The following SEC11C variants were observed in gnomAD, a reference collection of about 807,000 sequenced individuals.
SEC11C encodes SEC11 homolog C, signal peptidase complex subunit.
A neutral mutation model predicts 21.9 loss-of-function variants in SEC11C; 10 were observed. That is an observed-to-expected ratio of 0.46 (90% CI 0.28 to 0.77). The LOEUF (loss-of-function observed/expected upper bound fraction) is 0.77. Among genes scored for constraint, SEC11C ranks in the 30% least tolerant of loss-of-function variants. The probability of loss-of-function intolerance (pLI) is 0.12; values close to 1 mark genes in which losing one functional copy is unlikely to be tolerated. For missense variants in SEC11C, 145 were observed against 244.5 expected (o/e 0.59, Z 2.71); for synonymous variants, 83 against 85.6 (o/e 0.97, Z 0.17).
chr18:59,144,941 T>C (rs1413714788), intron 1 of SEC11C, among the ~76,000 whole-genome samples: 1 of 151,554 alleles, frequency 6.6e-6, no homozygotes, highest in African/African-American at 2.4e-5. Flanking sequence ...CCATTAAAGA[T>C]GTTTATTTTA....
intron 1 of SEC11C, among the ~76,000 whole-genome samples, chr18:59,143,585 A>T (rs914596480): frequency 5.3e-5 from 8 of 152,124 alleles, no homozygotes; most frequent in Non-Finnish European, 1.0e-4. Flanking sequence ...TTGTTTTCAG[A>T]ATAGAGAATA....
chr18:59,151,102 A>T (rs182428288), intron 2 of SEC11C, among the ~76,000 whole-genome samples: 422 of 152,272 alleles, frequency 2.8e-3, no homozygotes, highest in African/African-American at 9.7e-3. Flanking sequence ...TATTAGTGAA[A>T]CATTGAAAAG....
chr18:59,157,206 T>G (rs1173350835), intron 4 of SEC11C: 1 of 162,650 alleles, frequency 6.1e-6, no homozygotes, highest in East Asian at 1.8e-4. Context: ...AATAATTATT[T>G]GCATTACAAA....
At chr18:59,142,860 G>A (rs891206777) in intron 1 of SEC11C, among the ~76,000 whole-genome samples, 13 of 152,212 alleles carry the variant, frequency 8.5e-5, no homozygotes, top group South Asian at 4.1e-4. Context: ...ACACTGCTCC[G>A]GTGACAGCTG....
intron 1 of SEC11C, among the ~76,000 whole-genome samples, chr18:59,140,264 A>G (rs933350993): frequency 2.0e-5 from 3 of 152,246 alleles, no homozygotes; most frequent in Non-Finnish European, 4.4e-5. Flanking sequence ...AAAGGGGAGA[A>G]TAGAAACCCC....
intron 5 of SEC11C, 71 bp downstream of exon 5, chr18:59,157,736 A>C (rs1383649600): frequency 1.9e-6 from 2 of 1,051,246 alleles, no homozygotes; most frequent in Non-Finnish European, 2.9e-6. Context: ...GCAACTGTAA[A>C]CAGGCAGTCT....
intron 3 of SEC11C, 105 bp downstream of exon 3, chr18:59,152,790 A>G (rs2069373301): frequency 4.0e-6 from 4 of 998,890 alleles, no homozygotes; most frequent in Non-Finnish European, 2.9e-6. Flanking sequence ...GAGTTCTGCC[A>G]TTGACTCACT....
intron 2 of SEC11C, among the ~76,000 whole-genome samples, chr18:59,152,332 C>T (rs1158397204): frequency 1.3e-5 from 2 of 152,110 alleles, no homozygotes; most frequent in Non-Finnish European, 2.9e-5. Flanking sequence ...AGGGTCCTGT[C>T]AGTGCTCATG....
intron 1 of SEC11C, 86 bp downstream of exon 1, chr18:59,140,121 C>G (rs1603375877): frequency 8.0e-7 from 1 of 1,244,534 alleles, no homozygotes; most frequent in Non-Finnish European, 1.1e-6. Flanking sequence ...GGCTCCGGCT[C>G]CCAGTGAATG....
rs765519981 is a variant in SEC11C at position 59,149,629 on chromosome 18, C to T, written c.197+7C>T. 1.0e-5 allele frequency: 16 copies of T among 1,589,772 alleles called. No homozygotes were observed. Among genetic ancestry groups the T allele is most frequent in the Middle Eastern group, 1.7e-4 (1 of 6,040 alleles). On this transcript the variant is annotated splice_region_variant and intron_variant, in intron 2 of 5. Coordinates refer to ENST00000587834, the MANE Select transcript of SEC11C (RefSeq NM_033280.4). ...CCATCGTGGTGGTGCTGAGGTAGGT[C>T]CCCCAGGCTGGCCTCCAGCCTCCAA... is the stretch of plus-strand genomic sequence containing the variant.
At chr18:59,155,063 TCAAA>T (rs981434963) in intron 3 of SEC11C, among the ~76,000 whole-genome samples, 6 of 152,166 alleles carry the variant, frequency 3.9e-5, no homozygotes, top group Admixed American at 3.3e-4. Flanking sequence ...AGACTCCATC[TCAAA>T]CAAACAAACA....
At chr18:59,152,774 T>C in intron 3 of SEC11C, 89 bp downstream of exon 3, 2 of 1,169,008 alleles carry the variant, frequency 1.7e-6, no homozygotes, top group East Asian at 4.9e-5. Context: ...CACTGGATTA[T>C]GTTCTGAGTT....
intron 2 of SEC11C, among the ~76,000 whole-genome samples, chr18:59,151,407 A>G (rs1040297420): frequency 6.6e-6 from 1 of 151,888 alleles, no homozygotes; most frequent in East Asian, 1.9e-4. Flanking sequence ...GAAAAACTCA[A>G]TTGTTTTGAC....
chr18:59,143,622 A>G (rs1053160582), intron 1 of SEC11C, among the ~76,000 whole-genome samples: 8 of 152,140 alleles, frequency 5.3e-5, no homozygotes, highest in Admixed American at 4.6e-4. Context: ...TCAATGACTC[A>G]TAATTTCACT....
At position 59,148,636 on chromosome 18, in the gene SEC11C, C is replaced by T. The variant is rs9955436; in HGVS notation, c.88-877C>T. 7.9e-3 allele frequency among the ~76,000 whole-genome samples: 1,182 copies of T among 149,554 alleles called. 11 individuals are homozygous for T. Among genetic ancestry groups the T allele is most frequent in the African/African-American group, 0.028 (1,117 of 40,552 alleles). On this transcript the variant is annotated intron_variant, in intron 1 of 5. Coordinates refer to ENST00000587834, the MANE Select transcript of SEC11C (RefSeq NM_033280.4). ...CTGTGCTCCTTTTTTTTTTTTGAGA[C>T]GGAGTCTCGCTGTGTCGCCCAGGCT...
chr18:59,140,736 G>T (rs1169102785), intron 1 of SEC11C, among the ~76,000 whole-genome samples: 1 of 152,180 alleles, frequency 6.6e-6, no homozygotes, highest in Non-Finnish European at 1.5e-5. Context: ...CCTCTCCTTT[G>T]TGAGAGGACC....
At chr18:59,154,027 G>T (rs1024340844) in intron 3 of SEC11C, among the ~76,000 whole-genome samples, 2 of 151,802 alleles carry the variant, frequency 1.3e-5, no homozygotes, top group African/African-American at 2.4e-5. Context: ...TTCTTCACAG[G>T]TGTACCCCAC....
chr18:59,156,464 C>A (rs190408200), intron 4 of SEC11C: 1 of 152,130 alleles, frequency 6.6e-6, no homozygotes, highest in East Asian at 1.9e-4. Flanking sequence ...TGTTTTATTG[C>A]GAATAATTAT....
At chr18:59,144,749 A>AG (rs1345220449) in intron 1 of SEC11C, among the ~76,000 whole-genome samples, 11 of 149,132 alleles carry the variant, frequency 7.4e-5, no homozygotes, top group Non-Finnish European at 1.3e-4. Flanking sequence ...AAAAAAAAAA[A>AG]GTTGCTAGAA....
Sources: gnomAD v4.1 joint callset for allele counts (sites outside exome capture counted in the v4.1 genomes callset) on GRCh38, gnomAD v4.1.1 for gene constraint, MANE v1.5 for transcripts, NCBI Gene and HGNC (gene_info 2026-07-23, HGNC 2026-07-21) for gene names.